The following SLC6A3 variants were observed in gnomAD, a reference collection of about 807,000 sequenced individuals.
SLC6A3 encodes solute carrier family 6 member 3, also known as sodium-dependent dopamine transporter.
SLC6A3 carries 19 observed loss-of-function variants against 70.4 expected under a neutral mutation model. The observed-to-expected ratio is 0.27, with a 90% CI of 0.19 to 0.40. The LOEUF (loss-of-function observed/expected upper bound fraction) is 0.40, where lower values mean the gene tolerates loss of function less well. Ranked by LOEUF, SLC6A3 falls within the 10% of genes least tolerant of loss-of-function variation. SLC6A3 has a pLI of 1.00. For synonymous variants in SLC6A3, 368 were observed against 356.6 expected (o/e 1.03, Z -0.36); for missense variants, 613 against 838.5 (o/e 0.73, Z 3.32).
chr5:1,432,847 A>G (rs1200810759), intron 3 of SLC6A3, 149 bp from the exon 4 acceptor site: 2 of 667,274 alleles, frequency 3.0e-6, no homozygotes. Flanking sequence ...ATCTTCAAAC[A>G]TGCAGGGAAG....
At chr5:1,431,683 T>G (rs1442103141) in intron 4 of SLC6A3, among the ~76,000 whole-genome samples, 7 of 126,694 alleles carry the variant, frequency 5.5e-5, no homozygotes, top group Admixed American at 1.5e-4. Flanking sequence ...GGGGTGGACT[T>G]TGTGGTTTGT....
rs1756175719 is a variant in SLC6A3 at position 1,413,516 on chromosome 5, G to A, written c.1156+1175C>T. On this transcript the variant is annotated intron_variant, in intron 8 of 14. Transcript: ENST00000270349. The surrounding 1 kb of genome is among the most constrained non-coding windows in gnomAD (Gnocchi z 7.1). Reference sequence around the variant, plus strand: ...GCCTTCACTGAGCCTCAACACCCAGGCAGAGATCAGTCAGCAACAACACCC... The same window carrying A: ...GCCTTCACTGAGCCTCAACACCCAGACAGAGATCAGTCAGCAACAACACCC... 6.6e-6 allele frequency among the ~76,000 whole-genome samples: 1 copy of A among 152,210 alleles called. No homozygotes were observed. Among genetic ancestry groups the A allele is most frequent in the South Asian group, 2.1e-4 (1 of 4,834 alleles).
chr5:1,427,097 A>G (rs909731375), intron 4 of SLC6A3, among the ~76,000 whole-genome samples: 1 of 152,266 alleles, frequency 6.6e-6, no homozygotes, highest in South Asian at 2.1e-4. Flanking sequence ...ACCCCAATCT[A>G]CATACAGGAC....
Position 1,416,102 on chromosome 5 carries a change from A to G in SLC6A3, c.1027T>C (p.Tyr343His), listed in dbSNP as rs1756284565. Residue 343 changes from tyrosine to histidine, a missense_variant, in exon 7 of 15, where the codon TAC becomes CAC. Physicochemically the swap from Tyr to His is moderately conservative, Grantham distance 83 (BLOSUM62 2). Coordinates refer to ENST00000270349, the MANE Select transcript of SLC6A3 (RefSeq NM_001044.5). Reference sequence around the variant, plus strand: ...CTGGCCCTGCTAGGGGCTCACCTGTAGCAGTTGTTGGTGAACTTGTTGTAG... The same window carrying G: ...CTGGCCCTGCTAGGGGCTCACCTGTGGCAGTTGTTGGTGAACTTGTTGTAG... ...SSYNKFTNNC[Y>H]RDAIVTTSIN... The G allele has an allele frequency of 6.2e-7, 1 of 1,613,198 alleles. No individual in the cohort carries two copies. The highest frequency in any genetic ancestry group is 8.5e-7 in the Non-Finnish European group (1 of 1,179,220).
At chr5:1,419,418 TG>T (rs2126365650) in intron 6 of SLC6A3, among the ~76,000 whole-genome samples, 1 of 152,384 alleles carries the variant, frequency 6.6e-6, no homozygotes, top group South Asian at 2.1e-4. Context: ...CTTTGTAATT[TG>T]TTCTCCAGTG....
At position 1,402,812 on chromosome 5, in the gene SLC6A3, T is replaced by C; in HGVS notation, c.1767+110A>G. 1 of 1,140,494 alleles carries C rather than the reference T, an allele frequency of 8.8e-7. No individual in the cohort carries two copies. Among genetic ancestry groups the C allele is most frequent in the East Asian group, 2.5e-5 (1 of 39,346 alleles). The allele number at this position is 1,140,494 out of a possible 1,614,324, so 70.6% of individuals were successfully genotyped here. A position where few individuals can be genotyped will look rare whatever the true frequency, so the allele number is the denominator to read the frequency against. ...GTTGTGGTGGCCACCTCCAGTCTCCTCCTCTTGGTCACAGATGACCCAGGC... is the reference window on the plus strand; with the variant it reads ...GTTGTGGTGGCCACCTCCAGTCTCCCCCTCTTGGTCACAGATGACCCAGGC... On this transcript the variant is annotated intron_variant, in intron 13 of 14. Transcript: ENST00000270349. This position sits in a 1 kb window ranked among gnomAD's most constrained non-coding sequence, Gnocchi z 8.5.
intron 3 of SLC6A3, among the ~76,000 whole-genome samples, chr5:1,440,679 C>T (rs191415021): frequency 7.2e-5 from 11 of 152,268 alleles, no homozygotes; most frequent in African/African-American, 1.9e-4. Flanking sequence ...CTCATAAAAA[C>T]GGGGAATTTG....
intron 4 of SLC6A3, among the ~76,000 whole-genome samples, chr5:1,429,264 C>T (rs1381404176): frequency 2.0e-5 from 3 of 152,218 alleles, no homozygotes; most frequent in Non-Finnish European, 2.9e-5. Flanking sequence ...GGAAAATCAC[C>T]TTCAGAAGGT....
intron 4 of SLC6A3, among the ~76,000 whole-genome samples, chr5:1,428,348 C>T (rs1247328403): frequency 6.6e-6 from 1 of 152,042 alleles, no homozygotes; most frequent in Non-Finnish European, 1.5e-5. Flanking sequence ...TAATGCAGTC[C>T]ATTTGAGGCA....
At chr5:1,403,150 G>A (rs1755892051) in intron 12 of SLC6A3, 61 bp from the exon 13 acceptor site, 4 of 1,568,532 alleles carry the variant, frequency 2.6e-6, no homozygotes, top group Non-Finnish European at 3.5e-6. Context: ...GACAAAGCAG[G>A]GAGCGGGCAG....
At chr5:1,409,575 T>A (rs969660008) in intron 10 of SLC6A3, 146 bp downstream of exon 10, 1 of 923,528 alleles carries the variant, frequency 1.1e-6, no homozygotes, top group Admixed American at 1.7e-5. Flanking sequence ...TGTGCACTGC[T>A]ACGAGTCATT....
chr5:1,418,317 G>T (rs1442491380), intron 6 of SLC6A3, among the ~76,000 whole-genome samples: 1 of 152,110 alleles, frequency 6.6e-6, no homozygotes, highest in Non-Finnish European at 1.5e-5. Context: ...TTTCACTCCA[G>T]GACCTGCAAT....
At position 1,397,744 on chromosome 5, in the gene SLC6A3, T is replaced by G. The variant is rs111513095; in HGVS notation, c.1840-2986A>C. Among the ~76,000 whole-genome samples, 381 of 152,306 alleles carry G rather than the reference T, an allele frequency of 2.5e-3. 6 individuals are homozygous for G. The highest frequency in any genetic ancestry group is 3.4e-3 in the Middle Eastern group (1 of 294). On this transcript the variant is annotated intron_variant, in intron 14 of 14. Transcript: ENST00000270349. This position sits in a 1 kb window ranked among gnomAD's most constrained non-coding sequence, Gnocchi z 4.7. Reference sequence around the variant, plus strand: ...TTAGCAAGAGACCTCCTCAAAGGAATGTCTGAAGGATGCTTTTTGAAAAGC... The same window carrying G: ...TTAGCAAGAGACCTCCTCAAAGGAAGGTCTGAAGGATGCTTTTTGAAAAGC...
chr5:1,435,019 A>G (rs1756796094), intron 3 of SLC6A3, among the ~76,000 whole-genome samples: 1 of 152,154 alleles, frequency 6.6e-6, no homozygotes, highest in Admixed American at 6.5e-5. Flanking sequence ...CATATTAAAT[A>G]ATTCTGTATT....
In SLC6A3 at chr5:1,443,206, T is replaced by C. The variant is rs1733724073; in HGVS notation, c.-9A>G. ...CATTTGCTCTTACTCATGGGCACACTGGGAGTTGAGGAATTCTGTGCTTCT... is the reference window on the plus strand; with the variant it reads ...CATTTGCTCTTACTCATGGGCACACCGGGAGTTGAGGAATTCTGTGCTTCT... On this transcript the variant is annotated 5_prime_UTR_variant, in exon 2 of 15. Transcript: ENST00000270349. 1 of 1,614,092 alleles carries C rather than the reference T, an allele frequency of 6.2e-7. No homozygotes were observed. The highest frequency in any genetic ancestry group is 2.2e-5 in the East Asian group (1 of 44,890).
rs1425866090 is a variant in SLC6A3 at position 1,406,760 on chromosome 5, T to A, written c.1499-472A>T. Among the ~76,000 whole-genome samples, 6 of 149,232 alleles carry A rather than the reference T, an allele frequency of 4.0e-5. No individual in the cohort carries two copies. The East Asian group carries it at 1.2e-3, about 29-fold the overall frequency. Reference sequence around the variant, plus strand: ...ACCGTCCATCTTCAGAACTCCATCCTCCAAAATGAAATTCTGCCCTCATGA... The same window carrying A: ...ACCGTCCATCTTCAGAACTCCATCCACCAAAATGAAATTCTGCCCTCATGA... On this transcript the variant is annotated intron_variant, in intron 11 of 14. Transcript: ENST00000270349. The surrounding 1 kb of genome is among the most constrained non-coding windows in gnomAD (Gnocchi z 8.8).
Position 1,442,982 on chromosome 5 carries a change from G to A in SLC6A3, c.216C>T (p.Ser72=), listed in dbSNP as rs373050350. The A allele has an allele frequency of 1.2e-5, 20 of 1,614,202 alleles. No homozygotes were observed. The highest frequency in any genetic ancestry group is 1.6e-4 in the Middle Eastern group (1 of 6,062). Residue 72 remains serine, a synonymous_variant, in exon 2 of 15, where the codon TCC becomes TCT. Coordinates refer to ENST00000270349, the MANE Select transcript of SLC6A3 (RefSeq NM_001044.5). The surrounding 1 kb of genome is among the most constrained non-coding windows in gnomAD (Gnocchi z 5.0). ...CCAGGTCCACAGCAAAGCCAATGAC[G>A]GACAGGAGAAAGTCGATCTTCTTGC... The part of the protein sequence containing the change: ...TWGKKIDFLL[S]VIGFAVDLAN...
rs1033181166 is a variant in SLC6A3, at chr5:1,436,859, A to G, written c.419-4161T>C. On this transcript the variant is annotated intron_variant, in intron 3 of 14. Coordinates refer to ENST00000270349, the MANE Select transcript of SLC6A3 (RefSeq NM_001044.5). This position sits in a 1 kb window ranked among gnomAD's most constrained non-coding sequence, Gnocchi z 5.2. ...CACCCACGAGAGCTGGCTTCAGGAG[A>G]GGGTGTTGTCAACGCATGCACGGAT... Among the ~76,000 whole-genome samples, 2 of 152,090 alleles carry G rather than the reference A, an allele frequency of 1.3e-5. No homozygotes were observed. The highest frequency in any genetic ancestry group is 2.9e-5 in the Non-Finnish European group (2 of 68,014).
intron 3 of SLC6A3, among the ~76,000 whole-genome samples, chr5:1,435,376 T>C (rs1338672052): frequency 6.6e-6 from 1 of 152,226 alleles, no homozygotes; most frequent in African/African-American, 2.4e-5. Context: ...TATCAAGTCC[T>C]TAGCTTGAAA....
Sources: allele counts gnomAD v4.1 joint callset (sites outside exome capture counted in the v4.1 genomes callset), GRCh38; gene constraint gnomAD v4.1.1; non-coding constraint Gnocchi (gnomAD v3.1); transcripts MANE v1.5; gene names NCBI Gene and HGNC (gene_info 2026-07-23, HGNC 2026-07-21).